Variants in PTPN14 observed in about 807,000 individuals in gnomAD.
PTPN14 encodes tyrosine-protein phosphatase non-receptor type 14.
In PTPN14, 53 loss-of-function variants were observed where a neutral mutation model predicts 126.8. That is an observed-to-expected ratio of 0.42 (90% CI 0.34 to 0.53). The LOEUF is 0.53. Ranked by LOEUF, PTPN14 falls within the 20% of genes least tolerant of loss-of-function variation. The pLI is 0.08. For missense variants in PTPN14, 1,257 were observed against 1,552.9 expected (o/e 0.81, Z 3.20); for synonymous variants, 630 against 599.3 (o/e 1.05, Z -0.75).
chr1:214,384,723 A>C lies in PTPN14; in HGVS notation c.1132T>G (p.Tyr378Asp), dbSNP rs761016825. Residue 378 changes from tyrosine (Y) to aspartate (D), a missense_variant, in exon 13 of 19, where the codon TAT becomes GAT. Physicochemically the swap from Tyr to Asp is radical, Grantham distance 160. This residue lies in a region of PTPN14 where 1,021 missense variants were observed against 1,183.3 expected (regional missense o/e 0.86). Coordinates refer to ENST00000366956, the MANE Select transcript of PTPN14 (RefSeq NM_005401.5). This position sits in a 1 kb window ranked among gnomAD's most constrained non-coding sequence, Gnocchi z 5.3. ...CCATTGGTGACAGTGCCATTTAAAT[A>C]ATTTAAGTCCAGGCTGTTGTGAGAG... ...CNSHNSLDLN[Y>D]LNGTVTNGSV... The C allele has an allele frequency of 3.1e-6, 5 of 1,614,022 alleles. No individual in the cohort carries two copies. The African/African-American group carries it at 6.7e-5, about 22-fold the overall frequency.
chr1:214,406,807 CA>C (rs1659182286), intron 5 of PTPN14, among the ~76,000 whole-genome samples: 1 of 152,168 alleles, frequency 6.6e-6, no homozygotes, highest in African/African-American at 2.4e-5. Flanking sequence ...TTACCATTTA[CA>C]AACTCATAAA....
intron 5 of PTPN14, among the ~76,000 whole-genome samples, chr1:214,409,715 C>A (rs1659256932): frequency 6.6e-6 from 1 of 151,820 alleles, no homozygotes; most frequent in Non-Finnish European, 1.5e-5. Flanking sequence ...ATCTTTTACT[C>A]CTCATGCTCA....
At chr1:214,545,739 G>A (rs982475123) in intron 1 of PTPN14, among the ~76,000 whole-genome samples, 31 of 152,154 alleles carry the variant, frequency 2.0e-4, no homozygotes, top group African/African-American at 7.5e-4. Flanking sequence ...CAAATGCCTG[G>A]CTTGAGCAGC....
chr1:214,410,085 T>A (rs1282628690), intron 5 of PTPN14, among the ~76,000 whole-genome samples: 1 of 152,182 alleles, frequency 6.6e-6, no homozygotes, highest in Non-Finnish European at 1.5e-5. Context: ...TTTCTTTCAA[T>A]GTGTGGGTTG....
intron 1 of PTPN14, among the ~76,000 whole-genome samples, chr1:214,468,373 TG>T (rs1489083589): frequency 1.3e-5 from 2 of 152,258 alleles, no homozygotes; most frequent in East Asian, 3.9e-4. Context: ...CTGGCCAACA[TG>T]GTGAAACCTA....
rs143166693 is a variant in PTPN14 at position 214,356,335 on chromosome 1, C to A, written c.*1587G>T. On this transcript the variant is annotated 3_prime_UTR_variant, in exon 19 of 19. Coordinates refer to ENST00000366956, the MANE Select transcript of PTPN14 (RefSeq NM_005401.5). ...ATTCCATGCCTTCCTCCACTGCCGC[C>A]TTTTTCCCAAGCTGAAAAGACAAGG... is the stretch of plus-strand genomic sequence containing the variant. The A allele has an allele frequency of 6.6e-6, 1 of 152,218 alleles. No homozygotes were observed. Among genetic ancestry groups the A allele is most frequent in the African/African-American group, 2.4e-5 (1 of 41,522 alleles). The allele number at this position is 152,218 out of a possible 1,614,324, so 9.4% of individuals were successfully genotyped here.
chr1:214,365,071 C>T (rs1252458841), intron 17 of PTPN14, among the ~76,000 whole-genome samples: 4 of 152,116 alleles, frequency 2.6e-5, no homozygotes, highest in South Asian at 2.1e-4. Flanking sequence ...TGCTAAGTCC[C>T]CTTGAAACGC....
intron 13 of PTPN14, among the ~76,000 whole-genome samples, chr1:214,378,702 G>A (rs1034588175): frequency 6.6e-6 from 1 of 152,150 alleles, no homozygotes; most frequent in African/African-American, 2.4e-5. Context: ...AGCTGATGTG[G>A]TTTAGCAAAC....
At chr1:214,407,121 C>G (rs2102573790) in intron 5 of PTPN14, among the ~76,000 whole-genome samples, 1 of 152,258 alleles carries the variant, frequency 6.6e-6, no homozygotes, top group East Asian at 1.9e-4. Flanking sequence ...AAGAACTGCT[C>G]TGTTAAGTAA....
At chr1:214,539,242 C>T (rs963371341) in intron 1 of PTPN14, among the ~76,000 whole-genome samples, 1 of 152,052 alleles carries the variant, frequency 6.6e-6, no homozygotes, top group Non-Finnish European at 1.5e-5. Flanking sequence ...CTATTAGTGC[C>T]CTTCCATATT....
chr1:214,535,420 A>G (rs1353762640), intron 1 of PTPN14, among the ~76,000 whole-genome samples: 1 of 152,228 alleles, frequency 6.6e-6, no homozygotes, highest in East Asian at 1.9e-4. Flanking sequence ...AGGGTTCAAC[A>G]ATTCTTTTGT....
At chr1:214,377,092 T>C (rs1402866797) in intron 14 of PTPN14, among the ~76,000 whole-genome samples, 2 of 152,214 alleles carry the variant, frequency 1.3e-5, no homozygotes, top group African/African-American at 4.8e-5. Flanking sequence ...GCTTTCTGCT[T>C]TTCAAAACCC....
chr1:214,390,187 G>C (rs952035970), intron 11 of PTPN14, among the ~76,000 whole-genome samples: 1 of 152,114 alleles, frequency 6.6e-6, no homozygotes, highest in Non-Finnish European at 1.5e-5. Context: ...TTTTGATTTT[G>C]TGTAAAAAAA....
chr1:214,368,412 G>A (rs1179052563), intron 17 of PTPN14, among the ~76,000 whole-genome samples: 4 of 151,956 alleles, frequency 2.6e-5, no homozygotes, highest in South Asian at 4.2e-4. Context: ...TGTTGGCCAC[G>A]CTGGTCTCAA....
chr1:214,381,270 T>C (rs1461089927), intron 13 of PTPN14, among the ~76,000 whole-genome samples: 2 of 152,172 alleles, frequency 1.3e-5, no homozygotes. Flanking sequence ...AAGTATCAAG[T>C]TGGCAGGGGA....
chr1:214,527,071 A>C (rs113616221), intron 1 of PTPN14, among the ~76,000 whole-genome samples: 4,014 of 152,064 alleles, frequency 0.026, 179 homozygotes, highest in African/African-American at 0.093. Flanking sequence ...AGCCTGGGCA[A>C]CAACAGCAAA....
At chr1:214,548,174 G>A (rs538607172) in intron 1 of PTPN14, among the ~76,000 whole-genome samples, 5 of 152,092 alleles carry the variant, frequency 3.3e-5, no homozygotes, top group African/African-American at 4.8e-5. Flanking sequence ...GGGCTATGAC[G>A]TCCATCCAAC....
chr1:214,519,271 A>C (rs1655184506), intron 1 of PTPN14, among the ~76,000 whole-genome samples: 1 of 152,152 alleles, frequency 6.6e-6, no homozygotes. Flanking sequence ...TGTCTCAAAA[A>C]ACAAAACAAA....
intron 5 of PTPN14, among the ~76,000 whole-genome samples, chr1:214,405,447 A>G (rs1357929115): frequency 6.6e-6 from 1 of 152,122 alleles, no homozygotes; most frequent in Non-Finnish European, 1.5e-5. Context: ...GACAGCTTAT[A>G]AGGGCTAAAT....
Sources: gnomAD v4.1 joint callset for allele counts (sites outside exome capture counted in the v4.1 genomes callset) on GRCh38, gnomAD v4.1.1 for gene constraint, gnomAD v4.1.1 regional missense constraint, Gnocchi (gnomAD v3.1) non-coding constraint, MANE v1.5 for transcripts, NCBI Gene and HGNC (gene_info 2026-07-23, HGNC 2026-07-21) for gene names.